The following JAZF1 variants were observed in gnomAD, a reference collection of about 807,000 sequenced individuals.
JAZF1 encodes the protein JAZF zinc finger 1.
In JAZF1, 8 loss-of-function variants were observed where a neutral mutation model predicts 26.4. The observed-to-expected ratio is 0.30, with a 90% confidence interval of 0.18 to 0.55. JAZF1 has a LOEUF of 0.55. Among genes scored for constraint, JAZF1 ranks in the 20% least tolerant of loss-of-function variants. The probability of loss-of-function intolerance (pLI) is 0.94; values close to 1 mark genes in which losing one functional copy is unlikely to be tolerated. For synonymous variants in JAZF1, 126 were observed against 122.3 expected, an observed-to-expected ratio of 1.03 and a Z score of -0.20; for missense variants, 199 against 322.0, an observed-to-expected ratio of 0.62 and a Z score of 2.92.
intron 1 of JAZF1, among the ~76,000 whole-genome samples, chr7:27,994,375 C>A (rs1480699507): frequency 2.0e-5 from 3 of 151,168 alleles, no homozygotes; most frequent in African/African-American, 7.3e-5. Context: ...CTTAGGCTCA[C>A]ATATCCTCAA....
At chr7:27,842,613 T>C (rs1438529668) in intron 3 of JAZF1, 1 of 152,214 alleles carries the variant, frequency 6.6e-6, no homozygotes, top group Non-Finnish European at 1.5e-5. Flanking sequence ...TTGGAAACGC[T>C]TGTACCAAGT....
chr7:27,993,436 G>A (rs576333530), intron 1 of JAZF1, among the ~76,000 whole-genome samples: 4 of 152,162 alleles, frequency 2.6e-5, no homozygotes, highest in African/African-American at 4.8e-5. Context: ...ACGGGGAAAC[G>A]CAGTTTTCAA....
chr7:28,165,061 C>T lies in JAZF1; in HGVS notation c.115+15402G>A, dbSNP rs1480036817. Among the ~76,000 whole-genome samples, 3 of 152,166 alleles carry T rather than the reference C, an allele frequency of 2.0e-5. No homozygotes were observed. In the East Asian group the frequency reaches 5.8e-4, roughly 29 times the overall value. On this transcript the variant is annotated intron_variant, in intron 1 of 4. Transcript: ENST00000283928. ...GTGCGCACCTGTAGTCCCAGATACT[C>T]AGGAGGCTGAGGTGGGAGGATTGCT...
chr7:28,002,384 G>C (rs1395515869), intron 1 of JAZF1, among the ~76,000 whole-genome samples: 1 of 152,154 alleles, frequency 6.6e-6, no homozygotes, highest in East Asian at 1.9e-4. Context: ...TCTGGTACCC[G>C]AGTCTCCAAG....
chr7:27,905,056 C>G (rs1784228419), intron 2 of JAZF1, among the ~76,000 whole-genome samples: 1 of 152,174 alleles, frequency 6.6e-6, no homozygotes, highest in Admixed American at 6.5e-5. Context: ...GCTTCAGCCT[C>G]CCAAGTAGCT....
At chr7:28,138,310 T>C (rs180861074) in intron 1 of JAZF1, among the ~76,000 whole-genome samples, 1 of 152,292 alleles carries the variant, frequency 6.6e-6, no homozygotes, top group East Asian at 1.9e-4. Context: ...AAGTTAATAA[T>C]GGCCTAAATA....
intron 1 of JAZF1, among the ~76,000 whole-genome samples, chr7:28,111,727 TAAC>T (rs1784664093): frequency 6.6e-6 from 1 of 152,230 alleles, no homozygotes; most frequent in Non-Finnish European, 1.5e-5. Flanking sequence ...GAAAACCTAA[TAAC>T]AACAACAGTG....
intron 3 of JAZF1, among the ~76,000 whole-genome samples, chr7:27,868,319 A>G (rs1783516242): frequency 6.6e-6 from 1 of 152,116 alleles, no homozygotes; most frequent in Non-Finnish European, 1.5e-5. Context: ...GCCCACTGTC[A>G]CTCACATGGC....
intron 1 of JAZF1, among the ~76,000 whole-genome samples, chr7:28,111,548 G>C (rs986810786): frequency 6.6e-6 from 1 of 152,152 alleles, no homozygotes; most frequent in Non-Finnish European, 1.5e-5. Flanking sequence ...CTTTGAATAA[G>C]TCACAATGCT....
chr7:28,005,650 T>C (rs1782687944), intron 1 of JAZF1, among the ~76,000 whole-genome samples: 1 of 152,202 alleles, frequency 6.6e-6, no homozygotes, highest in South Asian at 2.1e-4. Flanking sequence ...GGTTATGTGC[T>C]AGCTGGGGAT....
At chr7:28,153,396 A>G (rs1267302729) in intron 1 of JAZF1, among the ~76,000 whole-genome samples, 1 of 152,222 alleles carries the variant, frequency 6.6e-6, no homozygotes, top group African/African-American at 2.4e-5. Flanking sequence ...ATTATTCAAA[A>G]AAGTGAGTAA....
At chr7:28,080,704 G>A (rs1015132291) in intron 1 of JAZF1, among the ~76,000 whole-genome samples, 4 of 152,160 alleles carry the variant, frequency 2.6e-5, no homozygotes, top group Admixed American at 6.5e-5. Context: ...CCTGTTGATA[G>A]AGCAGTCAAC....
intron 1 of JAZF1, chr7:28,020,600 T>A (rs1228453710): frequency 1.5e-5 from 7 of 471,264 alleles, no homozygotes; most frequent in Non-Finnish European, 3.1e-5. Flanking sequence ...AACAACCATG[T>A]CTTCATTTCT....
chr7:28,146,879 G>A (rs1783036754), intron 1 of JAZF1, among the ~76,000 whole-genome samples: 1 of 144,402 alleles, frequency 6.9e-6, no homozygotes, highest in Non-Finnish European at 1.5e-5. Flanking sequence ...TTTTTTTTGA[G>A]AGAGTCTCGT....
intron 2 of JAZF1, among the ~76,000 whole-genome samples, chr7:27,905,705 T>A (rs1784243770): frequency 6.6e-6 from 1 of 152,084 alleles, no homozygotes; most frequent in South Asian, 2.1e-4. Flanking sequence ...TTGCCATGTA[T>A]ACCTTATCTA....
chr7:28,024,360 A>C (rs372854066), intron 1 of JAZF1, among the ~76,000 whole-genome samples: 65 of 152,274 alleles, frequency 4.3e-4, no homozygotes, highest in African/African-American at 1.4e-3. Context: ...AAAAGTTCTA[A>C]GGGAGAGAAA....
At chr7:27,870,642 G>A (rs1783563671) in intron 3 of JAZF1, among the ~76,000 whole-genome samples, 1 of 152,042 alleles carries the variant, frequency 6.6e-6, no homozygotes, top group African/African-American at 2.4e-5. Flanking sequence ...CCTGTCCCAG[G>A]TCACATACTC....
At chr7:28,111,345 A>G (rs1424236170) in intron 1 of JAZF1, among the ~76,000 whole-genome samples, 1 of 152,110 alleles carries the variant, frequency 6.6e-6, no homozygotes, top group Admixed American at 6.5e-5. Flanking sequence ...CACTGAAGAC[A>G]TTTCTCTTTA....
intron 2 of JAZF1, among the ~76,000 whole-genome samples, chr7:27,967,119 C>T (rs1193428724): frequency 1.3e-5 from 2 of 152,234 alleles, no homozygotes; most frequent in East Asian, 3.9e-4. Context: ...CCAGACACAT[C>T]GGTTTTATTT....
Sources: allele counts gnomAD v4.1 joint callset (sites outside exome capture counted in the v4.1 genomes callset), GRCh38; gene constraint gnomAD v4.1.1; transcripts MANE v1.5; gene names NCBI Gene and HGNC (gene_info 2026-07-23, HGNC 2026-07-21).